SPIC: variants seen among roughly 807,000 people sequenced by gnomAD.
The protein encoded by SPIC is transcription factor Spi-C.
In SPIC, 9 loss-of-function variants were observed where a neutral mutation model predicts 16.7. The observed-to-expected ratio is 0.54, with a 90% CI of 0.33 to 0.94. SPIC has a LOEUF of 0.94. Among genes scored for constraint, SPIC ranks in the 40% least tolerant of loss-of-function variants. The probability of loss-of-function intolerance (pLI) is 0.03; values close to 1 mark genes in which losing one functional copy is unlikely to be tolerated. For missense variants in SPIC, 241 were observed against 285.8 expected (o/e 0.84, Z 1.13); for synonymous variants, 97 against 102.9 (o/e 0.94, Z 0.35).
rs780041421 is a variant in SPIC at position 101,482,912 on chromosome 12, C to T, written c.319+12C>T. 6.2e-7 allele frequency: 1 copy of T among 1,607,386 alleles called. No individual in the cohort carries two copies. The highest frequency in any genetic ancestry group is 1.7e-5 in the Admixed American group (1 of 59,748). Reference sequence around the variant, plus strand: ...AAAGGGGGGAAAAGGTACGTTGATCCATCATTCGTTATACAGGTAAAAGAA... The same window carrying T: ...AAAGGGGGGAAAAGGTACGTTGATCTATCATTCGTTATACAGGTAAAAGAA... On this transcript the variant is annotated intron_variant, in intron 5 of 5. Coordinates refer to ENST00000551346, the MANE Select transcript of SPIC (RefSeq NM_152323.3).
rs1188776253 is a variant in SPIC at position 101,479,222 on chromosome 12, A to AAGAC, written c.98-360_98-359insAGAC. Among the ~76,000 whole-genome samples, 214 of 97,258 alleles carry AAGAC rather than the reference A, an allele frequency of 2.2e-3. 7 individuals are homozygous for AAGAC. The highest frequency in any genetic ancestry group is 3.4e-3 in the Non-Finnish European group (153 of 44,618). 63.8% of individuals were successfully genotyped at this position (97,258 alleles called of 152,430 possible). A position where few individuals can be genotyped will look rare whatever the true frequency, so the allele number is the denominator to read the frequency against. ...AAAGAAAGAAAGAAAGAAAGAAAGA[A>AAGAC]GGAAAGAAAGAAAGAAAGAAAAAGA... On this transcript the variant is annotated intron_variant, in intron 3 of 5. Transcript: ENST00000551346.
At chr12:101,477,525 G>A (rs775033134) in intron 2 of SPIC, 33 bp from the exon 3 acceptor site, 12 of 1,593,714 alleles carry the variant, frequency 7.5e-6, no homozygotes, top group Non-Finnish European at 6.9e-6. Flanking sequence ...TTGGTAATTC[G>A]AAAACTCCAG....
At chr12:101,484,601 T>A (rs922498655) in intron 5 of SPIC, among the ~76,000 whole-genome samples, 1 of 146,152 alleles carries the variant, frequency 6.8e-6, no homozygotes, top group South Asian at 2.2e-4. Flanking sequence ...GTTGAGGGAG[T>A]CTCTCCGAAC....
At position 101,478,102 on chromosome 12, in the gene SPIC, G is replaced by A. The variant is rs539882209; in HGVS notation, c.97+451G>A. ...GCTGGCGTGCAGTGGCGCGATCTCG[G>A]CTCACTGCAAGCTCCTCCTCCCGGG... is the stretch of plus-strand genomic sequence containing the variant. On this transcript the variant is annotated intron_variant, in intron 3 of 5. Coordinates refer to ENST00000551346, the MANE Select transcript of SPIC (RefSeq NM_152323.3). 2.0e-5 allele frequency among the ~76,000 whole-genome samples: 3 copies of A among 149,250 alleles called. No individual in the cohort carries two copies. In the East Asian group the frequency reaches 6.0e-4, roughly 30 times the overall value.
In SPIC at chr12:101,478,063, ACT is replaced by A; in HGVS notation, c.97+415_97+416del. 2.3e-5 allele frequency among the ~76,000 whole-genome samples: 3 copies of A among 132,106 alleles called. No homozygotes were observed. The East Asian group carries it at 6.4e-4, about 28-fold the overall frequency. 86.7% of individuals were successfully genotyped at this position (132,106 alleles called of 152,430 possible). Reference sequence around the variant, plus strand: ...TTTTTTTTTTTTGAGACGAAGTCTCACTCTGTCGCCCAGGCTGGCGTGCAGTG... The same window carrying A: ...TTTTTTTTTTTTGAGACGAAGTCTCACTGTCGCCCAGGCTGGCGTGCAGTG... On this transcript the variant is annotated intron_variant, in intron 3 of 5. Coordinates refer to ENST00000551346, the MANE Select transcript of SPIC (RefSeq NM_152323.3).
intron 3 of SPIC, among the ~76,000 whole-genome samples, chr12:101,479,362 T>C (rs1264708312): frequency 5.8e-5 from 8 of 137,138 alleles, no homozygotes; most frequent in Non-Finnish European, 3.3e-5. Flanking sequence ...AAAGAAATCA[T>C]GCGGTTTCAG....
intron 4 of SPIC, among the ~76,000 whole-genome samples, chr12:101,480,353 A>C (rs1873149279): frequency 6.6e-6 from 1 of 152,200 alleles, no homozygotes; most frequent in African/African-American, 2.4e-5. Flanking sequence ...AAAGATCCAA[A>C]CTGCCCCTGC....
chr12:101,486,625 C>T lies in SPIC; in HGVS notation c.601C>T (p.Leu201Phe), dbSNP rs770377263. Residue 201 changes from leucine to phenylalanine, a missense_variant, in exon 6 of 6, where the codon CTC becomes TTC. By Grantham distance (22) the Leu-to-Phe change is conservative. Coordinates refer to ENST00000551346, the MANE Select transcript of SPIC (RefSeq NM_152323.3). Reference sequence around the variant, plus strand: ...GTTCAGTGAGGCCATTCTCCAAAGACTCTCTCCATCCTATTTCCTGGGGAA... The same window carrying T: ...GTTCAGTGAGGCCATTCTCCAAAGATTCTCTCCATCCTATTTCCTGGGGAA... ...YQFSEAILQRLSPSYFLGKEI... is the reference protein window; with the variant it reads ...YQFSEAILQRFSPSYFLGKEI... The T allele has an allele frequency of 3.7e-6, 6 of 1,613,974 alleles. No individual in the cohort carries two copies. The South Asian group carries it at 6.6e-5, about 18-fold the overall frequency.
Position 101,486,778 on chromosome 12 carries a change from T to G in SPIC, c.*7T>G. ...AAATCACCATGATTGCTAAATATAC[T>G]TTCATATTTCATGGTTTACTGGCAT... On this transcript the variant is annotated 3_prime_UTR_variant, in exon 6 of 6. Coordinates refer to ENST00000551346, the MANE Select transcript of SPIC (RefSeq NM_152323.3). The G allele has an allele frequency of 6.6e-7, 1 of 1,518,906 alleles. No homozygotes were observed. 94.1% of individuals were successfully genotyped at this position (1,518,906 alleles called of 1,614,324 possible).
intron 4 of SPIC, 22 bp downstream of exon 4, chr12:101,479,716 A>C: frequency 6.5e-7 from 1 of 1,547,636 alleles, no homozygotes; most frequent in East Asian, 2.3e-5. Flanking sequence ...ACCATCCCTT[A>C]ATAACAGGCA....
intron 3 of SPIC, among the ~76,000 whole-genome samples, chr12:101,479,227 A>AGAAAGAAAGAAAGAAAGAAG (rs1873079676): frequency 1.8e-5 from 2 of 110,802 alleles, no homozygotes; most frequent in South Asian, 3.0e-4. Context: ...AAAGAAGGAA[A>AGAAAGAAAGAAAGAAAGAAG]GAAAGAAAGA....
In SPIC at chr12:101,486,839, CCTCT is replaced by C; in HGVS notation, c.*71_*74del. ...TACAAGTTTTAATGATTTCTCCCTC[CCTCT>C]CTTTTTTTCCTCCTCTGAAGAAATT... On this transcript the variant is annotated 3_prime_UTR_variant, in exon 6 of 6. Transcript: ENST00000551346. The C allele has an allele frequency of 7.5e-7, 1 of 1,326,772 alleles. No individual in the cohort carries two copies. Among genetic ancestry groups the C allele is most frequent in the East Asian group, 2.4e-5 (1 of 42,250 alleles). 82.2% of individuals were successfully genotyped at this position (1,326,772 alleles called of 1,614,324 possible).
rs1491303702 is a variant in SPIC at position 101,479,219 on chromosome 12, A to AGAAAGAAAGAAAGAAAGAAAG, written c.98-360_98-359insAGAAAGAAAGAAAGAAAGGAA. Reference sequence around the variant, plus strand: ...AAGAAAGAAAGAAAGAAAGAAAGAAAGAAGGAAAGAAAGAAAGAAAGAAAA... The same window carrying AGAAAGAAAGAAAGAAAGAAAG: ...AAGAAAGAAAGAAAGAAAGAAAGAAAGAAAGAAAGAAAGAAAGAAAGGAAGGAAAGAAAGAAAGAAAGAAAA... On this transcript the variant is annotated intron_variant, in intron 3 of 5. Coordinates refer to ENST00000551346, the MANE Select transcript of SPIC (RefSeq NM_152323.3). 1.4e-4 allele frequency among the ~76,000 whole-genome samples: 12 copies of AGAAAGAAAGAAAGAAAGAAAG among 83,360 alleles called. 1 individual carries two copies. The highest frequency in any genetic ancestry group is 4.5e-4 in the African/African-American group (12 of 26,786). The allele number at this position is 83,360 out of a possible 152,430, so 54.7% of individuals were successfully genotyped here.
intron 3 of SPIC, among the ~76,000 whole-genome samples, chr12:101,479,200 GA>G (rs1211759852): frequency 1.0e-5 from 1 of 100,042 alleles, no homozygotes; most frequent in South Asian, 3.4e-4. Flanking sequence ...AAGAAAGAAA[GA>G]AAGAAAGAAA....
intron 4 of SPIC, among the ~76,000 whole-genome samples, chr12:101,480,166 CATGGATGATCACATGCTGTTAGGA>C (rs1447983384): frequency 6.6e-6 from 1 of 152,190 alleles, no homozygotes; most frequent in South Asian, 2.1e-4. Context: ...TGACAGTCAA[CATGGATGATCACATGCTGTTAGGA>C]AGGAAATAAC....
chr12:101,486,330 T>G lies in SPIC; in HGVS notation c.320-14T>G. 6.3e-7 allele frequency: 1 copy of G among 1,592,022 alleles called. No homozygotes were observed. Among genetic ancestry groups the G allele is most frequent in the Non-Finnish European group, 8.5e-7 (1 of 1,169,824 alleles). Reference sequence around the variant, plus strand: ...AGCCACGGTGGAGTTTGACCTTGTTTCCCTTCATTTTAGGCAGGAAGAAGC... The same window carrying G: ...AGCCACGGTGGAGTTTGACCTTGTTGCCCTTCATTTTAGGCAGGAAGAAGC... On this transcript the variant is annotated splice_polypyrimidine_tract_variant and intron_variant, in intron 5 of 5. Coordinates refer to ENST00000551346, the MANE Select transcript of SPIC (RefSeq NM_152323.3).
At chr12:101,483,408 C>T (rs1873270146) in intron 5 of SPIC, among the ~76,000 whole-genome samples, 1 of 151,988 alleles carries the variant, frequency 6.6e-6, no homozygotes, top group South Asian at 2.1e-4. Context: ...GATAACAGCG[C>T]CTTCTGGAAT....
At chr12:101,480,714 C>T (rs1257409394) in intron 4 of SPIC, among the ~76,000 whole-genome samples, 3 of 152,152 alleles carry the variant, frequency 2.0e-5, no homozygotes, top group Non-Finnish European at 2.9e-5. Flanking sequence ...GGGCTGGGCT[C>T]AGTGGCTCAC....
intron 5 of SPIC, 63 bp from the exon 6 acceptor site, chr12:101,486,281 T>C: frequency 6.6e-7 from 1 of 1,508,752 alleles, no homozygotes; most frequent in Admixed American, 2.1e-5. Context: ...CAACAAACCC[T>C]TTCTGAGGAT....
Sources: gnomAD v4.1 joint callset for allele counts (sites outside exome capture counted in the v4.1 genomes callset) on GRCh38, gnomAD v4.1.1 for gene constraint, MANE v1.5 for transcripts, NCBI Gene and HGNC (gene_info 2026-07-23, HGNC 2026-07-21) for gene names.